ANKS1B: variants seen among roughly 807,000 people sequenced by gnomAD.
The protein encoded by ANKS1B is ankyrin repeat and sterile alpha motif domain containing 1B.
A neutral mutation model predicts 148.3 loss-of-function variants in ANKS1B; 36 were observed. The observed-to-expected ratio is 0.24, with a 90% confidence interval of 0.19 to 0.32. ANKS1B has a LOEUF of 0.32. ANKS1B is among the 10% of genes least tolerant of loss of function. The pLI, the probability that ANKS1B is intolerant of heterozygous loss-of-function variation, is 1.00. For synonymous variants in ANKS1B, 542 were observed against 560.8 expected (o/e 0.97, Z 0.47); for missense variants, 1,157 against 1,542.6 (o/e 0.75, Z 4.19).
intron 2 of ANKS1B, among the ~76,000 whole-genome samples, chr12:99,812,864 T>C (rs1313959033): frequency 6.6e-6 from 1 of 151,590 alleles, no homozygotes; most frequent in Non-Finnish European, 1.5e-5. Flanking sequence ...CTACAGATAA[T>C]TGGAATAAGA....
intron 1 of ANKS1B, among the ~76,000 whole-genome samples, chr12:99,866,890 T>C (rs1432321830): frequency 6.6e-6 from 1 of 152,138 alleles, no homozygotes; most frequent in Non-Finnish European, 1.5e-5. Context: ...GATTCCAACA[T>C]CTCCATTGAT....
At chr12:99,651,510 A>G (rs1213013945) in intron 9 of ANKS1B, among the ~76,000 whole-genome samples, 1 of 152,200 alleles carries the variant, frequency 6.6e-6, no homozygotes, top group East Asian at 1.9e-4. Flanking sequence ...CAGCATGCTT[A>G]CCACATTGTA....
At chr12:99,962,876 T>C (rs1397215254) in intron 1 of ANKS1B, among the ~76,000 whole-genome samples, 5 of 149,526 alleles carry the variant, frequency 3.3e-5, no homozygotes, top group African/African-American at 7.4e-5. Flanking sequence ...TGCAGTGGCA[T>C]GATCTCGGCT....
chr12:98,889,350 ATTTTTTT>A (rs199671576), intron 17 of ANKS1B, among the ~76,000 whole-genome samples: 3 of 145,634 alleles, frequency 2.1e-5, no homozygotes, highest in Non-Finnish European at 4.6e-5. Context: ...AACCTTTTTT[ATTTTTTT>A]TTTTTTTGAG....
At chr12:99,205,990 C>A (rs1027928786) in intron 14 of ANKS1B, among the ~76,000 whole-genome samples, 1 of 152,128 alleles carries the variant, frequency 6.6e-6, no homozygotes, top group Non-Finnish European at 1.5e-5. Context: ...AGTGCCAAAG[C>A]CACAATTTGA....
chr12:99,201,469 T>C (rs946296094), intron 14 of ANKS1B, among the ~76,000 whole-genome samples: 6 of 152,274 alleles, frequency 3.9e-5, no homozygotes, highest in Middle Eastern at 3.4e-3. Flanking sequence ...ATGATGGGTA[T>C]AGATTTAGTT....
chr12:99,970,377 T>C (rs2095543593), intron 1 of ANKS1B, among the ~76,000 whole-genome samples: 1 of 152,156 alleles, frequency 6.6e-6, no homozygotes, highest in African/African-American at 2.4e-5. Context: ...AAATTCAGGA[T>C]CCAAACTTGT....
intron 1 of ANKS1B, among the ~76,000 whole-genome samples, chr12:99,970,658 T>C (rs2095546948): frequency 6.6e-6 from 1 of 152,140 alleles, no homozygotes; most frequent in African/African-American, 2.4e-5. Context: ...CTACTTATAA[T>C]ACCCCAAGCT....
At chr12:99,917,611 C>T (rs931196941) in intron 1 of ANKS1B, among the ~76,000 whole-genome samples, 2 of 152,194 alleles carry the variant, frequency 1.3e-5, no homozygotes, top group Non-Finnish European at 1.5e-5. Context: ...CCTCAATGGG[C>T]CTGATGGTTA....
chr12:99,571,137 A>G (rs571080560), intron 9 of ANKS1B, among the ~76,000 whole-genome samples: 2 of 152,228 alleles, frequency 1.3e-5, no homozygotes, highest in South Asian at 2.1e-4. Context: ...ATAGCATATT[A>G]TCCCAATTTT....
At chr12:99,044,406 C>A (rs2099961008) in intron 17 of ANKS1B, among the ~76,000 whole-genome samples, 1 of 149,400 alleles carries the variant, frequency 6.7e-6, no homozygotes, top group African/African-American at 2.5e-5. Flanking sequence ...TTTACAAAGT[C>A]CAGGAGCGGA....
chr12:98,954,942 C>A (rs1450864906), intron 17 of ANKS1B, among the ~76,000 whole-genome samples: 1 of 150,944 alleles, frequency 6.6e-6, no homozygotes, highest in Non-Finnish European at 1.5e-5. Context: ...TGCCCACCCT[C>A]CATTTCTTTA....
At chr12:99,659,160 C>G (rs2098463984) in intron 8 of ANKS1B, among the ~76,000 whole-genome samples, 1 of 152,052 alleles carries the variant, frequency 6.6e-6, no homozygotes, top group Non-Finnish European at 1.5e-5. Context: ...TAGCACTGCC[C>G]CCTAAAGACA....
Position 99,673,216 on chromosome 12 carries a change from T to C in ANKS1B, c.1129-18006A>G, listed in dbSNP as rs529586584. 8.1e-4 allele frequency among the ~76,000 whole-genome samples: 123 copies of C among 152,194 alleles called. 1 individual carries two copies. Among genetic ancestry groups the C allele is most frequent in the African/African-American group, 2.7e-3 (111 of 41,546 alleles). On this transcript the variant is annotated intron_variant, in intron 8 of 26. Coordinates refer to ENST00000683438, the MANE Select transcript of ANKS1B (RefSeq NM_001352186.2). ...AAAGATGAGGTATACAACAAATGCC[T>C]GGAAGAACTGGAAAATAATCATATC...
Position 98,750,261 on chromosome 12 carries a change from T to G in ANKS1B, c.3747+1094A>C, listed in dbSNP as rs373153894. 7.3e-4 allele frequency among the ~76,000 whole-genome samples: 111 copies of G among 152,068 alleles called. 1 individual carries two copies. In the South Asian group the frequency reaches 0.021, roughly 29 times the overall value. On this transcript the variant is annotated intron_variant, in intron 26 of 26. Coordinates refer to ENST00000683438, the MANE Select transcript of ANKS1B (RefSeq NM_001352186.2). ...AGAAAGACTTCAGAGGAGATACAGC[T>G]CCTGGGGATGGCTGGTAATGAGTGA...
intron 12 of ANKS1B, among the ~76,000 whole-genome samples, chr12:99,364,618 T>C (rs545940694): frequency 7.2e-5 from 11 of 152,342 alleles, no homozygotes; most frequent in African/African-American, 2.6e-4. Context: ...GGTGACTCTC[T>C]TGAAGGTTGT....
chr12:98,741,265 CTTT>C (rs770028042), downstream of ANKS1B, among the ~76,000 whole-genome samples: 4 of 152,282 alleles, frequency 2.6e-5, no homozygotes, highest in South Asian at 6.2e-4. Flanking sequence ...TACAAACACT[CTTT>C]CTTTCTCCTG....
chr12:99,320,310 C>T (rs2085002346), intron 12 of ANKS1B, among the ~76,000 whole-genome samples: 1 of 152,158 alleles, frequency 6.6e-6, no homozygotes, highest in African/African-American at 2.4e-5. Context: ...TCTGTTCTCC[C>T]CGTCACTTTC....
intron 14 of ANKS1B, among the ~76,000 whole-genome samples, chr12:99,188,172 G>A (rs931511386): frequency 6.6e-6 from 1 of 152,090 alleles, no homozygotes; most frequent in African/African-American, 2.4e-5. Flanking sequence ...GCACTCAATA[G>A]AGGAGCACCC....
Sources: allele counts gnomAD v4.1 joint callset (sites outside exome capture counted in the v4.1 genomes callset), GRCh38; gene constraint gnomAD v4.1.1; transcripts MANE v1.5; gene names NCBI Gene and HGNC (gene_info 2026-07-23, HGNC 2026-07-21).